The following TTLL8 variants were observed in gnomAD, a reference collection of about 807,000 sequenced individuals.
TTLL8 encodes the protein tubulin tyrosine ligase like 8, also known as protein monoglycylase TTLL8.
Under a neutral mutation model 77.8 loss-of-function variants are expected in TTLL8, and 65 were observed. The observed-to-expected ratio is 0.84, with a 90% CI of 0.68 to 1.03. TTLL8 has a LOEUF of 1.03. Among genes scored for constraint, TTLL8 ranks in the 50% least tolerant of loss-of-function variants. The pLI is 0.00. For synonymous variants in TTLL8, 402 were observed against 422.8 expected (o/e 0.95, Z 0.60); for missense variants, 910 against 1,004.5 (o/e 0.91, Z 1.27).
upstream of TTLL8, among the ~76,000 whole-genome samples, chr22:50,057,483 G>C (rs1435098187): frequency 8.7e-6 from 1 of 115,204 alleles, no homozygotes; most frequent in African/African-American, 3.3e-5. Context: ...CTGGATTGTG[G>C]GTCAGGTCTG....
chr22:50,031,795 G>C (rs759605055), exon 11 of TTLL8: 1 of 1,366,790 alleles, frequency 7.3e-7, no homozygotes, highest in Non-Finnish European at 9.8e-7. Context: ...CGGCGTGGAC[G>C]GGTGCATGGT....
intron 12 of TTLL8, among the ~76,000 whole-genome samples, chr22:50,029,414 C>T (rs1269912467): frequency 2.1e-5 from 3 of 143,354 alleles, no homozygotes; most frequent in Non-Finnish European, 1.5e-5. Flanking sequence ...AGACCCCACA[C>T]ACACTCGTAA....
At chr22:50,031,997 G>T in exon 11 of TTLL8, 1 of 1,366,640 alleles carries the variant, frequency 7.3e-7, no homozygotes, top group Non-Finnish European at 9.8e-7. Flanking sequence ...TGGCGCTGCA[G>T]GTACTCCTGG....
chr22:50,053,405 G>A (rs552900075), intron 1 of TTLL8, among the ~76,000 whole-genome samples: 1 of 152,114 alleles, frequency 6.6e-6, no homozygotes, highest in African/African-American at 2.4e-5. Flanking sequence ...AGTGTAGACT[G>A]TAAGAACAAT....
chr22:50,051,516 T>G (rs137914), intron 1 of TTLL8, among the ~76,000 whole-genome samples: 22,496 of 152,264 alleles, frequency 0.15, 2,056 homozygotes, highest in South Asian at 0.35. Context: ...AGTATCTTTT[T>G]TGTATCATGA....
At chr22:50,039,189 C>T (rs2061353698) in intron 8 of TTLL8, among the ~76,000 whole-genome samples, 2 of 152,142 alleles carry the variant, frequency 1.3e-5, no homozygotes, top group African/African-American at 4.8e-5. Flanking sequence ...AAAATGTTCT[C>T]TCTTTCTCTG....
At chr22:50,029,693 G>C (rs62231924) in intron 12 of TTLL8, among the ~76,000 whole-genome samples, 3 of 151,864 alleles carry the variant, frequency 2.0e-5, no homozygotes, top group Non-Finnish European at 4.4e-5. Context: ...ATCGCGCCAC[G>C]GCACTTCAGC....
chr22:50,041,974 C>G lies in TTLL8; in HGVS notation c.644-167G>C, dbSNP rs543442159. On this transcript the variant is annotated intron_variant, in intron 6 of 13. Coordinates refer to ENST00000266182, the Ensembl canonical transcript of TTLL8. The surrounding 1 kb of genome is among the most constrained non-coding windows in gnomAD (Gnocchi z 4.3). Reference sequence around the variant, plus strand: ...CCAGACAGGCACCCCAATACCCAACCAAGCTTCTCTGGGCAACCGCCCTGG... The same window carrying G: ...CCAGACAGGCACCCCAATACCCAACGAAGCTTCTCTGGGCAACCGCCCTGG... Among the ~76,000 whole-genome samples the G allele has an allele frequency of 2.6e-5, 4 of 152,204 alleles. No individual in the cohort carries two copies. Among genetic ancestry groups the G allele is most frequent in the African/African-American group, 9.6e-5 (4 of 41,458 alleles).
At chr22:50,035,541 C>T (rs563395744) in intron 8 of TTLL8, among the ~76,000 whole-genome samples, 30 of 152,186 alleles carry the variant, frequency 2.0e-4, no homozygotes, top group Non-Finnish European at 3.4e-4. Context: ...CCGGCTGCCA[C>T]GCCTCCTCCG....
At chr22:50,045,015 G>A (rs533980336) in intron 6 of TTLL8, among the ~76,000 whole-genome samples, 44 of 152,164 alleles carry the variant, frequency 2.9e-4, no homozygotes, top group Admixed American at 6.5e-4. Flanking sequence ...TGTGGGACTC[G>A]GACGTCCCAG....
At chr22:50,040,700 G>T (rs1049726065) in intron 8 of TTLL8, among the ~76,000 whole-genome samples, 1 of 152,208 alleles carries the variant, frequency 6.6e-6, no homozygotes, top group African/African-American at 2.4e-5. Flanking sequence ...AAAAATATTT[G>T]ATTAATTCAC....
At chr22:50,022,628 C>T (rs1260221553) in intron 12 of TTLL8, among the ~76,000 whole-genome samples, 1 of 151,824 alleles carries the variant, frequency 6.6e-6, no homozygotes, top group Non-Finnish European at 1.5e-5. Flanking sequence ...ATTCCTCCAT[C>T]TGACGACGTG....
upstream of TTLL8, chr22:50,055,276 GTCT>G: frequency 7.8e-7 from 1 of 1,290,094 alleles, no homozygotes; most frequent in Non-Finnish European, 1.0e-6. Flanking sequence ...TTTTGTATCT[GTCT>G]AATCTGGAGG....
chr22:50,025,268 T>A (rs1287343897), intron 12 of TTLL8, among the ~76,000 whole-genome samples: 15 of 82,866 alleles, frequency 1.8e-4, no homozygotes, highest in African/African-American at 3.5e-4. Flanking sequence ...AAAAACAAAT[T>A]AGCAAAAACT....
chr22:50,046,122 T>C (rs1351989655), intron 4 of TTLL8, among the ~76,000 whole-genome samples, 152 bp from the exon 7 acceptor site: 1 of 152,006 alleles, frequency 6.6e-6, no homozygotes, highest in African/African-American at 2.4e-5. Context: ...TCCCCAGATA[T>C]ACGGTCCCCC....
chr22:50,033,441 T>C, exon 10 of TTLL8: 1 of 1,361,690 alleles, frequency 7.3e-7, no homozygotes, highest in Non-Finnish European at 9.8e-7. Context: ...CCATGCACAC[T>C]ATGTCTGCAA....
At position 50,034,138 on chromosome 22, in the gene TTLL8, C is replaced by G. The variant is rs556770403; in HGVS notation, c.1039+207G>C. 1 of 261,624 alleles carries G rather than the reference C, an allele frequency of 3.8e-6. No individual in the cohort carries two copies. Among genetic ancestry groups the G allele is most frequent in the East Asian group, 1.8e-4 (1 of 5,614 alleles). 16.2% of individuals were successfully genotyped at this position (261,624 alleles called of 1,614,324 possible). A position where few individuals can be genotyped will look rare whatever the true frequency, so the allele number is the denominator to read the frequency against. ...TCCTGATTAACCCATCAACCCGGATCCTGCCCTGTGATCGGAACACATGCT... is the reference window on the plus strand; with the variant it reads ...TCCTGATTAACCCATCAACCCGGATGCTGCCCTGTGATCGGAACACATGCT... On this transcript the variant is annotated intron_variant, in intron 9 of 13. Transcript: ENST00000266182. This position sits in a 1 kb window ranked among gnomAD's most constrained non-coding sequence, Gnocchi z 4.1.
intron 12 of TTLL8, among the ~76,000 whole-genome samples, chr22:50,023,758 C>T (rs573484060): frequency 1.2e-4 from 18 of 152,142 alleles, no homozygotes; most frequent in African/African-American, 3.6e-4. Context: ...CGGTGGCTCA[C>T]GCCTGTAATC....
In TTLL8 at chr22:50,034,468, A is replaced by T; in HGVS notation, c.922-6T>A. 1 of 1,366,402 alleles carries T rather than the reference A, an allele frequency of 7.3e-7. No individual in the cohort carries two copies. The highest frequency in any genetic ancestry group is 9.8e-7 in the Non-Finnish European group (1 of 1,021,604). The allele number at this position is 1,366,402 out of a possible 1,614,324, so 84.6% of individuals were successfully genotyped here. On this transcript the variant is annotated splice_region_variant and splice_polypyrimidine_tract_variant and intron_variant, in intron 8 of 13. Coordinates refer to ENST00000266182, the Ensembl canonical transcript of TTLL8. The surrounding 1 kb of genome is among the most constrained non-coding windows in gnomAD (Gnocchi z 4.1). ...CTATTCAGCAGAGCCTGGCACTGCG[A>T]AAAGTAATTTCTTGAATTGGAGATG...
Sources: gnomAD v4.1 joint callset for allele counts (sites outside exome capture counted in the v4.1 genomes callset) on GRCh38, gnomAD v4.1.1 for gene constraint, Gnocchi (gnomAD v3.1) non-coding constraint, MANE v1.5 for transcripts, NCBI Gene and HGNC (gene_info 2026-07-23, HGNC 2026-07-21) for gene names.